Variants in KCNQ5 observed in about 807,000 individuals in gnomAD.
KCNQ5 encodes potassium voltage-gated channel subfamily Q member 5, also known as potassium voltage-gated channel subfamily KQT member 5.
In KCNQ5, 30 loss-of-function variants were observed where a neutral mutation model predicts 98.2. The observed-to-expected ratio is 0.31, with a 90% CI of 0.23 to 0.41. KCNQ5 has a LOEUF of 0.41. Ranked by LOEUF, KCNQ5 falls within the 10% of genes least tolerant of loss-of-function variation. The pLI is 1.00. For missense variants in KCNQ5, 835 were observed against 1,182.5 expected (o/e 0.71, Z 4.31); for synonymous variants, 458 against 449.4 (o/e 1.02, Z -0.24).
chr6:72,696,732 A>G (rs1768526491), intron 1 of KCNQ5, among the ~76,000 whole-genome samples: 1 of 152,194 alleles, frequency 6.6e-6, no homozygotes, highest in South Asian at 2.1e-4. Context: ...ATAGAGGCAT[A>G]CTTGGATTTA....
chr6:72,841,576 G>A (rs1337092036), intron 1 of KCNQ5, among the ~76,000 whole-genome samples: 4 of 152,038 alleles, frequency 2.6e-5, no homozygotes, highest in African/African-American at 7.2e-5. Context: ...CTCCTAAAAC[G>A]AACTGTTAAA....
At chr6:72,812,168 T>C (rs1467577145) in intron 1 of KCNQ5, among the ~76,000 whole-genome samples, 1 of 152,176 alleles carries the variant, frequency 6.6e-6, no homozygotes, top group Non-Finnish European at 1.5e-5. Flanking sequence ...GGGTTTTGGC[T>C]GGCTTCTTTA....
At chr6:72,737,256 G>C (rs1007051365) in intron 1 of KCNQ5, among the ~76,000 whole-genome samples, 1 of 152,078 alleles carries the variant, frequency 6.6e-6, no homozygotes, top group South Asian at 2.1e-4. Flanking sequence ...CACCAAGCCC[G>C]GTCAGGCTTC....
At chr6:72,656,911 C>T (rs1353971168) in intron 1 of KCNQ5, among the ~76,000 whole-genome samples, 1 of 152,064 alleles carries the variant, frequency 6.6e-6, no homozygotes, top group Non-Finnish European at 1.5e-5. Context: ...ATTAATAACC[C>T]AAACCCTGTG....
chr6:72,640,217 CACTGA>C (rs1257667093), intron 1 of KCNQ5, among the ~76,000 whole-genome samples: 1 of 151,948 alleles, frequency 6.6e-6, no homozygotes, highest in Non-Finnish European at 1.5e-5. Context: ...AAGTCACACA[CACTGA>C]ACATGTGTGA....
At chr6:73,083,758 T>C (rs1246570554) in intron 5 of KCNQ5, among the ~76,000 whole-genome samples, 1 of 152,218 alleles carries the variant, frequency 6.6e-6, no homozygotes, top group Non-Finnish European at 1.5e-5. Context: ...CATTAATATA[T>C]AATATCAGAA....
At chr6:73,000,241 G>C (rs1001132552) in intron 1 of KCNQ5, among the ~76,000 whole-genome samples, 14 of 152,096 alleles carry the variant, frequency 9.2e-5, no homozygotes, top group African/African-American at 2.9e-4. Flanking sequence ...GTCACCTTAC[G>C]GGGGTCACTC....
intron 1 of KCNQ5, among the ~76,000 whole-genome samples, chr6:72,705,594 T>TG (rs1369126379): frequency 8.6e-5 from 9 of 104,174 alleles, no homozygotes; most frequent in South Asian, 3.2e-4. Context: ...GTTTTTGTTT[T>TG]TTTTTTTGTT....
chr6:73,182,876 C>T (rs1778449166), intron 11 of KCNQ5, among the ~76,000 whole-genome samples: 1 of 152,126 alleles, frequency 6.6e-6, no homozygotes. Flanking sequence ...ATATATCCTA[C>T]AAATGAGGTA....
At chr6:72,751,490 T>G (rs1684665668) in intron 1 of KCNQ5, among the ~76,000 whole-genome samples, 1 of 151,990 alleles carries the variant, frequency 6.6e-6, no homozygotes, top group African/African-American at 2.4e-5. Flanking sequence ...AAAGGAGAAA[T>G]GTAAAGTAAA....
intron 1 of KCNQ5, among the ~76,000 whole-genome samples, chr6:72,932,597 T>A (rs1342838543): frequency 6.6e-6 from 1 of 152,174 alleles, no homozygotes; most frequent in Non-Finnish European, 1.5e-5. Flanking sequence ...AGAAAGCTGT[T>A]ATTCTTTTTT....
At chr6:72,942,980 G>C (rs1304997652) in intron 1 of KCNQ5, among the ~76,000 whole-genome samples, 1 of 152,188 alleles carries the variant, frequency 6.6e-6, no homozygotes, top group Non-Finnish European at 1.5e-5. Flanking sequence ...GCTCTGAGGG[G>C]AGATTTGGAA....
At chr6:72,636,988 T>C (rs1198241637) in intron 1 of KCNQ5, among the ~76,000 whole-genome samples, 1 of 152,238 alleles carries the variant, frequency 6.6e-6, no homozygotes, top group East Asian at 1.9e-4. Context: ...TTCAGCTGCC[T>C]GTGCAAGTGG....
At chr6:72,950,523 T>C (rs995328591) in intron 1 of KCNQ5, among the ~76,000 whole-genome samples, 1 of 152,138 alleles carries the variant, frequency 6.6e-6, no homozygotes, top group African/African-American at 2.4e-5. Flanking sequence ...ACAGGAACCA[T>C]TGGTTGCAGC....
chr6:73,028,577 G>T (rs183027136), intron 2 of KCNQ5, among the ~76,000 whole-genome samples: 84 of 152,254 alleles, frequency 5.5e-4, no homozygotes, highest in African/African-American at 2.0e-3. Flanking sequence ...ACTTGACACC[G>T]CTCTATCACT....
intron 1 of KCNQ5, among the ~76,000 whole-genome samples, chr6:72,965,743 A>C (rs1316216358): frequency 6.6e-6 from 1 of 152,230 alleles, no homozygotes; most frequent in African/African-American, 2.4e-5. Flanking sequence ...TCTTATTAGC[A>C]TTTAAATTTT....
chr6:72,886,383 T>C (rs1778842968), intron 1 of KCNQ5, among the ~76,000 whole-genome samples: 1 of 151,562 alleles, frequency 6.6e-6, no homozygotes, highest in African/African-American at 2.4e-5. Context: ...ACTAGTAAAG[T>C]AAAATATAGA....
intron 10 of KCNQ5, among the ~76,000 whole-genome samples, chr6:73,148,297 A>G (rs1423905726): frequency 2.0e-5 from 3 of 152,234 alleles, no homozygotes; most frequent in East Asian, 1.9e-4. Flanking sequence ...AGACATTCAT[A>G]TCATAATTAA....
At chr6:72,815,511 T>A (rs531292908) in intron 1 of KCNQ5, among the ~76,000 whole-genome samples, 1 of 152,202 alleles carries the variant, frequency 6.6e-6, no homozygotes, top group Admixed American at 6.5e-5. Context: ...CAGTTTAGTT[T>A]GACGAAAGGG....
Sources: allele counts gnomAD v4.1 joint callset (sites outside exome capture counted in the v4.1 genomes callset), GRCh38; gene constraint gnomAD v4.1.1; transcripts MANE v1.5; gene names NCBI Gene and HGNC (gene_info 2026-07-23, HGNC 2026-07-21).